GPM6B: variants seen among roughly 807,000 people sequenced by gnomAD.
GPM6B encodes the protein neuronal membrane glycoprotein M6-b.
In GPM6B, 4 loss-of-function variants were observed where a neutral mutation model predicts 27.2. That is an observed-to-expected ratio of 0.15 (90% CI 0.07 to 0.34). The LOEUF (loss-of-function observed/expected upper bound fraction) is 0.34, where lower values mean the gene tolerates loss of function less well. GPM6B is among the 10% of genes least tolerant of loss of function. The probability of loss-of-function intolerance (pLI) is 1.00; values close to 1 mark genes in which losing one functional copy is unlikely to be tolerated. For missense variants in GPM6B, 183 were observed against 261.9 expected, an observed-to-expected ratio of 0.70 and a Z score of 2.08; for synonymous variants, 124 against 103.1, an observed-to-expected ratio of 1.20 and a Z score of -1.23.
chrX:13,871,464 C>T (rs941391889), intron 1 of GPM6B, among the ~76,000 whole-genome samples: 1 of 112,041 alleles, frequency 8.9e-6, no homozygotes, highest in African/African-American at 3.2e-5. Context: ...CCCCGTGTGG[C>T]TCATGTGAGC....
At chrX:13,912,097 C>A (rs2050383385) in intron 1 of GPM6B, among the ~76,000 whole-genome samples, 1 of 111,999 alleles carries the variant, frequency 8.9e-6, no homozygotes, top group African/African-American at 3.2e-5. Flanking sequence ...CCACTATTTT[C>A]TTTTCATAGA....
At chrX:13,808,354 C>T (rs1349447970) in intron 1 of GPM6B, among the ~76,000 whole-genome samples, 2 of 112,164 alleles carry the variant, frequency 1.8e-5, no homozygotes, top group Non-Finnish European at 3.8e-5. Flanking sequence ...AATTTTCTCC[C>T]ATGTGCTATA....
intron 1 of GPM6B, among the ~76,000 whole-genome samples, chrX:13,926,200 G>T (rs180981178): frequency 1.0e-3 from 109 of 108,221 alleles, no homozygotes; most frequent in African/African-American, 3.4e-3. Context: ...TCAGGAGATC[G>T]AGACCATCCT....
chrX:13,844,715 T>C (rs980595748), intron 1 of GPM6B, among the ~76,000 whole-genome samples: 4 of 112,011 alleles, frequency 3.6e-5, no homozygotes, highest in African/African-American at 1.3e-4. Flanking sequence ...TTTCATGGTA[T>C]GGACCACAGC....
At chrX:13,850,865 G>GA (rs2049707508) in intron 1 of GPM6B, among the ~76,000 whole-genome samples, 1 of 111,104 alleles carries the variant, frequency 9.0e-6, no homozygotes, top group South Asian at 3.8e-4. Flanking sequence ...TCACTTCTTT[G>GA]AAAAAAAGTT....
At chrX:13,910,408 CATCCAAAAAGAA>C (rs1268072044) in intron 1 of GPM6B, among the ~76,000 whole-genome samples, 1 of 112,840 alleles carries the variant, frequency 8.9e-6, no homozygotes, top group African/African-American at 3.2e-5. Flanking sequence ...CATTTCCCCT[CATCCAAAAAGAA>C]GTCCAAAAGG....
intron 1 of GPM6B, among the ~76,000 whole-genome samples, chrX:13,831,707 A>C (rs2049442010): frequency 9.0e-6 from 1 of 111,710 alleles, no homozygotes; most frequent in African/African-American, 3.3e-5. Context: ...TATATGGTGC[A>C]ATTAAGTTTT....
intron 2 of GPM6B, among the ~76,000 whole-genome samples, chrX:13,791,633 C>T (rs1173088615): frequency 9.0e-6 from 1 of 111,472 alleles, no homozygotes; most frequent in Non-Finnish European, 1.9e-5. Flanking sequence ...AAAAAATACA[C>T]ATCAATGCCT....
intron 1 of GPM6B, among the ~76,000 whole-genome samples, chrX:13,831,177 T>C (rs865900264): frequency 2.4e-5 from 2 of 81,635 alleles, no homozygotes; most frequent in South Asian, 7.4e-4. Flanking sequence ...AAGAGCTCAG[T>C]ACACACACAC....
At chrX:13,788,899 C>T (rs764961958) in intron 2 of GPM6B, among the ~76,000 whole-genome samples, 17 of 110,850 alleles carry the variant, frequency 1.5e-4, no homozygotes, top group Admixed American at 9.7e-4. Context: ...CAGGGAAAAC[C>T]AGGAACTCAA....
intron 6 of GPM6B, among the ~76,000 whole-genome samples, chrX:13,776,608 T>C (rs2048417677): frequency 8.9e-6 from 1 of 112,121 alleles, no homozygotes; most frequent in South Asian, 3.7e-4. Flanking sequence ...GGAGCCCTGC[T>C]TCAAGCCACT....
chrX:13,793,067 G>C (rs984584407), intron 2 of GPM6B, among the ~76,000 whole-genome samples: 1 of 109,227 alleles, frequency 9.2e-6, no homozygotes, highest in Admixed American at 9.8e-5. Context: ...CTCCCTTCTG[G>C]AATTCAGGAA....
At chrX:13,865,590 A>G (rs28521403) in intron 1 of GPM6B, among the ~76,000 whole-genome samples, 10 of 97,527 alleles carry the variant, frequency 1.0e-4, no homozygotes, top group East Asian at 3.0e-4. Flanking sequence ...GAAAAGAAAA[A>G]AAAAACAAAG....
rs2147103308 is a variant in GPM6B at position 13,774,199 on chromosome X, C to T, written c.838-1169G>A. ...TTCATCATTGAAACTGGTTATCAGG[C>T]AATCAAAAATAACAGAAAATGTAAG... On this transcript the variant is annotated intron_variant, in intron 7 of 7. Coordinates refer to ENST00000316715, the MANE Select transcript of GPM6B (RefSeq NM_001001995.3). 7.9e-6 allele frequency: 6 copies of T among 759,921 alleles called. No homozygotes were observed. In the South Asian group the frequency reaches 3.3e-4, roughly 42 times the overall value. The allele number at this position is 759,921 out of a possible 1,213,427, so 62.6% of individuals were successfully genotyped here. A position where few individuals can be genotyped will look rare whatever the true frequency, so the allele number is the denominator to read the frequency against.
chrX:13,878,296 A>G (rs1352812157), intron 1 of GPM6B, among the ~76,000 whole-genome samples: 1 of 108,381 alleles, frequency 9.2e-6, no homozygotes, highest in Non-Finnish European at 1.9e-5. Flanking sequence ...TTCCACTTGC[A>G]TATGCTCTAA....
upstream of GPM6B, among the ~76,000 whole-genome samples, chrX:13,821,144 T>A (rs746560130): frequency 3.6e-5 from 4 of 111,342 alleles, no homozygotes; most frequent in East Asian, 8.5e-4. Flanking sequence ...CCAAATAGCC[T>A]TTGGAACTTC....
intron 1 of GPM6B, among the ~76,000 whole-genome samples, chrX:13,903,406 C>T (rs779872983): frequency 2.5e-4 from 28 of 112,104 alleles, no homozygotes; most frequent in Non-Finnish European, 4.9e-4. Context: ...TGATGTCATC[C>T]TGAAAGGTAA....
In GPM6B at chrX:13,861,005, T is replaced by TAC. The variant is rs55808485; in HGVS notation, c.-197-75199_-197-75198dup. On this transcript the variant is annotated intron_variant, in intron 1 of 6. Coordinates refer to the GPM6B transcript ENST00000398361. ...GAGTATTCCACAGAATGAATGTGCATACACACACACACACACACACACACA... is the reference window on the plus strand; with the variant it reads ...GAGTATTCCACAGAATGAATGTGCATACACACACACACACACACACACACACA... 3.9e-3 allele frequency among the ~76,000 whole-genome samples: 311 copies of TAC among 79,373 alleles called. 1 individual carries two copies. Among genetic ancestry groups the TAC allele is most frequent in the Middle Eastern group, 0.024 (4 of 166 alleles). 68.9% of individuals were successfully genotyped at this position (79,373 alleles called of 115,157 possible). A position where few individuals can be genotyped will look rare whatever the true frequency, so the allele number is the denominator to read the frequency against.
chrX:13,802,776 T>A (rs1320594090), intron 2 of GPM6B, among the ~76,000 whole-genome samples: 1 of 111,762 alleles, frequency 8.9e-6, no homozygotes, highest in Non-Finnish European at 1.9e-5. Context: ...TTTACCTCTA[T>A]GTAATCAGAA....
Sources: gnomAD v4.1 joint callset for allele counts (sites outside exome capture counted in the v4.1 genomes callset) on GRCh38, gnomAD v4.1.1 for gene constraint, MANE v1.5 for transcripts, NCBI Gene and HGNC (gene_info 2026-07-23, HGNC 2026-07-21) for gene names.